VWF: variants seen among roughly 807,000 people sequenced by gnomAD.
VWF encodes von Willebrand factor, also known as Factor VIII related antigen.
VWF carries 176 observed loss-of-function variants against 308.6 expected under a neutral mutation model. The observed-to-expected ratio is 0.57, with a 90% confidence interval of 0.50 to 0.65. The LOEUF is 0.65. VWF is among the 30% of genes least tolerant of loss of function. The pLI is 0.00. For missense variants in VWF, 3,146 were observed against 3,648.2 expected (o/e 0.86, Z 3.55); for synonymous variants, 1,385 against 1,443.4 (o/e 0.96, Z 0.92).
intron 43 of VWF, among the ~76,000 whole-genome samples, chr12:5,974,374 A>T (rs1037778779): frequency 2.6e-5 from 4 of 152,152 alleles, no homozygotes; most frequent in East Asian, 1.9e-4. Context: ...TCACACGGTC[A>T]AGAGTTCTAG....
At chr12:5,964,043 T>C (rs1013589301) in intron 47 of VWF, among the ~76,000 whole-genome samples, 2 of 151,782 alleles carry the variant, frequency 1.3e-5, no homozygotes, top group African/African-American at 4.8e-5. Context: ...CCGTCTCTAC[T>C]AAAAATACAA....
intron 26 of VWF, among the ~76,000 whole-genome samples, chr12:6,022,514 G>T (rs1052767986): frequency 6.7e-6 from 1 of 150,146 alleles, no homozygotes; most frequent in Non-Finnish European, 1.5e-5. Context: ...TGCTTTAGGT[G>T]AGAATCCCAT....
At chr12:6,014,006 C>A (rs1201311378) in intron 31 of VWF, among the ~76,000 whole-genome samples, 2 of 152,000 alleles carry the variant, frequency 1.3e-5, no homozygotes, top group Non-Finnish European at 2.9e-5. Flanking sequence ...ATGCCCAGGG[C>A]TGAGGTGTGG....
intron 15 of VWF, among the ~76,000 whole-genome samples, chr12:6,056,378 G>A (rs1457093294): frequency 6.7e-6 from 1 of 149,214 alleles, no homozygotes; most frequent in Non-Finnish European, 1.5e-5. Context: ...TTCACCTTTA[G>A]GTAACTTTAT....
In VWF at chr12:5,969,470, CAGGAAGG is replaced by C. The variant is rs1440642028; in HGVS notation, c.7549-86_7549-80del. On this transcript the variant is annotated intron_variant, in intron 44 of 51. Transcript: ENST00000261405. Reference sequence around the variant, plus strand: ...TCCCATTGGGAATGTGCTCTTCTCTCAGGAAGGTGGTTTCTAGACGTGAAGCCTGGCT... The same window carrying C: ...TCCCATTGGGAATGTGCTCTTCTCTCTGGTTTCTAGACGTGAAGCCTGGCT... 6 of 1,566,116 alleles carry C rather than the reference CAGGAAGG, an allele frequency of 3.8e-6. No individual in the cohort carries two copies. In the Admixed American group the frequency reaches 7.0e-5, roughly 18 times the overall value.
At chr12:5,982,724 T>C (rs761741963) in intron 41 of VWF, among the ~76,000 whole-genome samples, 5 of 152,194 alleles carry the variant, frequency 3.3e-5, no homozygotes, top group African/African-American at 2.4e-5. Context: ...TAAGTTACAG[T>C]ATATAGTGAT....
rs759430407 is a variant in VWF, at chr12:6,064,340, G to T, written c.1338C>A (p.Val446=). The T allele has an allele frequency of 8.7e-6, 14 of 1,614,196 alleles. No individual in the cohort carries two copies. In the South Asian group the frequency reaches 1.4e-4, roughly 16 times the overall value. The change falls in exon 12 of 52, where the codon GTC becomes GTA. Residue 446 remains valine, a synonymous_variant. Coordinates refer to ENST00000261405, the MANE Select transcript of VWF (RefSeq NM_000552.5). The part of the protein sequence containing the change: ...RDAVCTRSVT[V]RLPGLHNSLV... ...GGCTGTTGTGCAGGCCAGGCAGCCG[G>T]ACGGTGACGGAGCGGGTGCACACAG...
intron 6 of VWF, among the ~76,000 whole-genome samples, chr12:6,078,271 ATC>A (rs2136478074): frequency 6.6e-6 from 1 of 152,302 alleles, no homozygotes; most frequent in East Asian, 1.9e-4. Context: ...GCTTGTATTC[ATC>A]TTTCATTTGG....
chr12:5,985,959 C>G (rs1259334960), intron 38 of VWF, among the ~76,000 whole-genome samples: 1 of 152,176 alleles, frequency 6.6e-6, no homozygotes, highest in African/African-American at 2.4e-5. Context: ...GTTCTTGGAT[C>G]GCACTGCTAG....
intron 45 of VWF, among the ~76,000 whole-genome samples, chr12:5,968,646 AT>A (rs1431612088): frequency 6.6e-6 from 1 of 152,092 alleles, no homozygotes; most frequent in East Asian, 1.9e-4. Context: ...AAATACAAAA[AT>A]TAGCCGAGTG....
intron 16 of VWF, among the ~76,000 whole-genome samples, chr12:6,049,862 T>C (rs1464830010): frequency 6.6e-6 from 1 of 152,230 alleles, no homozygotes; most frequent in Non-Finnish European, 1.5e-5. Flanking sequence ...GGTTCTGCCC[T>C]TTTTACTGGC....
chr12:6,090,621 CTCCTCCTTCTCG>C lies in VWF; in HGVS notation c.657+4827_657+4838del, dbSNP rs1945023195. ...ACAACAACTCCTCCTCCTCCTCCTC[CTCCTCCTTCTCG>C]TCCTCCTCCTCCTCCTCATCATCAT... On this transcript the variant is annotated intron_variant, in intron 6 of 51. Transcript: ENST00000261405. Among the ~76,000 whole-genome samples the C allele has an allele frequency of 3.4e-5, 3 of 89,296 alleles. No individual in the cohort carries two copies. The South Asian group carries it at 1.5e-3, about 44-fold the overall frequency. 58.6% of individuals were successfully genotyped at this position (89,296 alleles called of 152,430 possible).
intron 5 of VWF, chr12:6,095,848 T>C (rs2136500849): frequency 2.3e-6 from 1 of 442,626 alleles, no homozygotes; most frequent in East Asian, 4.8e-5. Context: ...TGTCCCCCAC[T>C]CCCCAGGAGG....
In VWF at chr12:6,025,943, G is replaced by A. The variant is rs767019732; in HGVS notation, c.3071C>T (p.Ser1024Phe). 6.2e-6 allele frequency: 10 copies of A among 1,613,958 alleles called. No individual in the cohort carries two copies. In the South Asian group the frequency reaches 9.9e-5, roughly 16 times the overall value. ...VEEDPVDFGN[S>F]WKVSSQCADT... The stretch of plus-strand genomic sequence containing the variant: ...AGCACACTGCGAGCTCACTTTCCAG[G>A]AGTTCCCAAAGTCCACAGGGTCTTC... Residue 1024 changes from serine to phenylalanine, a missense_variant, in exon 23 of 52, where the codon TCC becomes TTC. Physicochemically the swap from Ser to Phe is radical, Grantham distance 155. This residue lies in a region of VWF where 853 missense variants were observed against 1,177.8 expected (regional missense o/e 0.72). Transcript: ENST00000261405.
At chr12:5,996,351 G>T in intron 34 of VWF, 129 bp from the exon 35 acceptor site, 4 of 832,024 alleles carry the variant, frequency 4.8e-6, no homozygotes, top group South Asian at 4.5e-5. Flanking sequence ...GCCCTTTGAG[G>T]TCATATAGAA....
intron 5 of VWF, chr12:6,095,816 A>C (rs1591915035): frequency 2.0e-6 from 1 of 511,888 alleles, no homozygotes; most frequent in Admixed American, 2.9e-5. Flanking sequence ...TGGCTGGTTC[A>C]CCCCTCCTCA....
intron 37 of VWF, among the ~76,000 whole-genome samples, chr12:5,993,457 G>A (rs895158721): frequency 9.2e-5 from 14 of 152,084 alleles, no homozygotes; most frequent in Admixed American, 7.2e-4. Context: ...CTAAAGCTTG[G>A]TGGAATTTCA....
Position 6,052,779 on chromosome 12 carries a change from C to T in VWF, c.1950G>A (p.Leu650=). The T allele has an allele frequency of 3.2e-6, 5 of 1,564,938 alleles. No individual in the cohort carries two copies. Among genetic ancestry groups the T allele is most frequent in the Non-Finnish European group, 4.3e-6 (5 of 1,162,090 alleles). Residue 650 remains leucine (L), a synonymous_variant, in exon 16 of 52, where the codon CTG becomes CTA. Coordinates refer to ENST00000261405, the MANE Select transcript of VWF (RefSeq NM_000552.5). The part of the protein sequence containing the change: ...VAWREPGRCE[L]NCPKGQVYLQ... ...GGTACACCTGGCCTTTCGGGCAGTT[C>T]AGCTCTAGAAGAGAGAGGAGAAGTA...
At chr12:6,039,118 A>G (rs1944368927) in intron 18 of VWF, among the ~76,000 whole-genome samples, 1 of 152,248 alleles carries the variant, frequency 6.6e-6, no homozygotes, top group Admixed American at 6.5e-5. Context: ...GTTAAAATGA[A>G]GAGAACCACC....
Sources: allele counts gnomAD v4.1 joint callset (sites outside exome capture counted in the v4.1 genomes callset), GRCh38; gene constraint gnomAD v4.1.1; regional missense constraint gnomAD v4.1.1; transcripts MANE v1.5; gene names NCBI Gene and HGNC (gene_info 2026-07-23, HGNC 2026-07-21).